Variants in TCF12 observed in about 807,000 individuals in gnomAD.
TCF12 encodes transcription factor 12.
A neutral mutation model predicts 86.0 loss-of-function variants in TCF12; 45 were observed. The observed-to-expected ratio is 0.52, with a 90% CI of 0.41 to 0.67. TCF12 has a LOEUF of 0.67. Ranked by LOEUF, TCF12 falls within the 30% of genes least tolerant of loss-of-function variation. The probability of loss-of-function intolerance (pLI) is 0.00; values close to 1 mark genes in which losing one functional copy is unlikely to be tolerated. For synonymous variants in TCF12, 330 were observed against 299.6 expected (o/e 1.10, Z -1.05); for missense variants, 881 against 859.9 (o/e 1.02, Z -0.31).
At chr15:57,214,951 A>G (rs1460676667) in intron 8 of TCF12, among the ~76,000 whole-genome samples, 4 of 152,172 alleles carry the variant, frequency 2.6e-5, no homozygotes, top group South Asian at 4.1e-4. Flanking sequence ...AAGATGCACT[A>G]TTGATTTTAG....
At chr15:57,011,981 A>G (rs1463439126) in intron 3 of TCF12, among the ~76,000 whole-genome samples, 1 of 152,178 alleles carries the variant, frequency 6.6e-6, no homozygotes, top group Non-Finnish European at 1.5e-5. Context: ...AATGGTGTGT[A>G]TAGGAAATGA....
At chr15:56,940,393 A>C (rs1404781914) in intron 3 of TCF12, among the ~76,000 whole-genome samples, 2 of 152,112 alleles carry the variant, frequency 1.3e-5, no homozygotes, top group Non-Finnish European at 2.9e-5. Context: ...TGTTGTCTTC[A>C]TATTTTGAAG....
intron 5 of TCF12, chr15:57,109,180 C>G (rs971668277): frequency 6.6e-6 from 1 of 152,134 alleles, no homozygotes; most frequent in African/African-American, 2.4e-5. Context: ...TACTGTGAAG[C>G]CCACTGATGC....
chr15:57,046,250 A>G (rs1443554892), intron 3 of TCF12, among the ~76,000 whole-genome samples: 1 of 152,148 alleles, frequency 6.6e-6, no homozygotes. Context: ...AAATATCAAA[A>G]CTTGGCATCA....
chr15:57,209,929 A>C (rs1196868334), intron 8 of TCF12, among the ~76,000 whole-genome samples: 2 of 152,180 alleles, frequency 1.3e-5, no homozygotes, highest in African/African-American at 4.8e-5. Context: ...TTTATGGAAC[A>C]CACTTTCCCT....
intron 15 of TCF12, 116 bp downstream of exon 15, chr15:57,252,608 T>C: frequency 3.5e-6 from 3 of 849,574 alleles, no homozygotes; most frequent in Non-Finnish European, 3.6e-6. Flanking sequence ...AACAGTTGAC[T>C]GTTTCAGTTT....
At chr15:57,169,823 A>AT (rs1290180008) in intron 6 of TCF12, among the ~76,000 whole-genome samples, 1 of 152,174 alleles carries the variant, frequency 6.6e-6, no homozygotes, top group Non-Finnish European at 1.5e-5. Context: ...TGGCAAAGGT[A>AT]TTGCTGTTTA....
chr15:57,063,802 T>C lies in TCF12; in HGVS notation c.201T>C (p.Ser67=). The change falls in exon 4 of 21, where the codon AGT becomes AGC. Residue 67 remains serine, a synonymous_variant. Transcript: ENST00000333725. The stretch of plus-strand genomic sequence containing the variant: ...CTTGGGGAACAAGTGGTCAACCAAG[T>C]CCTTCCTATGATTCATCTAGAGTAA... The part of the protein sequence containing the change: ...TTSWGTSGQP[S]PSYDSSRGFT... The C allele has an allele frequency of 1.2e-6, 2 of 1,603,592 alleles. No individual in the cohort carries two copies. Among genetic ancestry groups the C allele is most frequent in the Non-Finnish European group, 1.7e-6 (2 of 1,171,988 alleles).
chr15:57,139,528 T>C (rs1294752407), intron 5 of TCF12, among the ~76,000 whole-genome samples: 1 of 152,102 alleles, frequency 6.6e-6, no homozygotes, highest in Non-Finnish European at 1.5e-5. Flanking sequence ...CCTGGAAAAA[T>C]TAATAGTATC....
rs1849130225 is a variant in TCF12, at chr15:57,247,548, C to G, written c.1115-3802C>G. ...TCATCAAAAGTTATAAAAGCAAATC[C>G]TGTCTTTTTTCCACTCTGCCTGTCT... On this transcript the variant is annotated intron_variant, in intron 13 of 20. Coordinates refer to ENST00000333725, the MANE Select transcript of TCF12 (RefSeq NM_207037.2). The G allele has an allele frequency of 2.6e-5, 24 of 929,786 alleles. No individual in the cohort carries two copies. The South Asian group carries it at 2.7e-4, about 10-fold the overall frequency. The allele number at this position is 929,786 out of a possible 1,614,324, so 57.6% of individuals were successfully genotyped here.
chr15:57,112,643 G>C (rs146421012), intron 5 of TCF12, among the ~76,000 whole-genome samples: 90 of 152,216 alleles, frequency 5.9e-4, no homozygotes, highest in African/African-American at 2.1e-3. Context: ...AATTGATTTG[G>C]TATAGCACAA....
chr15:57,062,898 G>A (rs2068573977), intron 3 of TCF12, among the ~76,000 whole-genome samples: 3 of 152,218 alleles, frequency 2.0e-5, no homozygotes, highest in Admixed American at 2.0e-4. Context: ...TACCCTCCTT[G>A]CAGTCAAGGA....
intron 6 of TCF12, among the ~76,000 whole-genome samples, chr15:57,170,628 TTA>T (rs1228106067): frequency 1.9e-5 from 1 of 53,484 alleles, no homozygotes; most frequent in Admixed American, 2.7e-4. Context: ...CCTGCTAATT[TTA>T]TATATATATA....
intron 3 of TCF12, among the ~76,000 whole-genome samples, chr15:56,941,389 TG>T (rs1660713905): frequency 6.6e-6 from 1 of 151,104 alleles, no homozygotes; most frequent in Admixed American, 6.6e-5. Context: ...TTTTTTTTTT[TG>T]AGATGGAGTT....
At chr15:57,043,201 A>T (rs1249030270) in intron 3 of TCF12, among the ~76,000 whole-genome samples, 1 of 152,164 alleles carries the variant, frequency 6.6e-6, no homozygotes, top group Non-Finnish European at 1.5e-5. Flanking sequence ...ATCGGTAGAC[A>T]TTTAGGTTAT....
intron 3 of TCF12, among the ~76,000 whole-genome samples, chr15:57,050,539 T>A (rs1464365845): frequency 6.6e-6 from 1 of 152,194 alleles, no homozygotes; most frequent in Non-Finnish European, 1.5e-5. Context: ...GTTTGCTTTG[T>A]AGTTCTCTCC....
At chr15:57,170,736 TAA>T (rs1491454984) in intron 6 of TCF12, among the ~76,000 whole-genome samples, 26 of 2,198 alleles carry the variant, frequency 0.012, no homozygotes, top group Non-Finnish European at 0.014. Flanking sequence ...ATATTATATA[TAA>T]TATATATTAT....
intron 8 of TCF12, among the ~76,000 whole-genome samples, chr15:57,220,556 G>C (rs1203408261): frequency 1.3e-5 from 2 of 152,066 alleles, no homozygotes; most frequent in Non-Finnish European, 1.5e-5. Context: ...TTGATTTATA[G>C]CAAGCACATG....
intron 3 of TCF12, among the ~76,000 whole-genome samples, chr15:56,943,808 C>G (rs1388768473): frequency 6.6e-6 from 1 of 152,164 alleles, no homozygotes; most frequent in Non-Finnish European, 1.5e-5. Flanking sequence ...AGAAAGGGAA[C>G]TGATTCTTGC....
Sources: gnomAD v4.1 joint callset for allele counts (sites outside exome capture counted in the v4.1 genomes callset) on GRCh38, gnomAD v4.1.1 for gene constraint, MANE v1.5 for transcripts, NCBI Gene and HGNC (gene_info 2026-07-23, HGNC 2026-07-21) for gene names.